Variants in PREX2 observed in about 807,000 individuals in gnomAD.
The protein encoded by PREX2 is phosphatidylinositol 3,4,5-trisphosphate-dependent Rac exchanger 2 protein.
Under a neutral mutation model 203.2 loss-of-function variants are expected in PREX2, and 107 were observed. That is an observed-to-expected ratio of 0.53 (90% CI 0.45 to 0.62). The LOEUF is 0.62. Among genes scored for constraint, PREX2 ranks in the 20% least tolerant of loss-of-function variants. The pLI is 0.00. For synonymous variants in PREX2, 672 were observed against 663.6 expected (o/e 1.01, Z -0.19); for missense variants, 1,777 against 1,955.9 (o/e 0.91, Z 1.72).
At chr8:68,198,044 A>G (rs1812433412) in intron 37 of PREX2, among the ~76,000 whole-genome samples, 1 of 152,058 alleles carries the variant, frequency 6.6e-6, no homozygotes, top group African/African-American at 2.4e-5. Flanking sequence ...GCTTAGATAA[A>G]ATCACTGTGT....
At chr8:68,164,583 T>C (rs553182562) in intron 35 of PREX2, among the ~76,000 whole-genome samples, 2 of 132,956 alleles carry the variant, frequency 1.5e-5, no homozygotes, top group South Asian at 2.7e-4. Context: ...TTTTTCTTTT[T>C]TCTTTTTTTT....
At chr8:68,182,060 G>C (rs1269619438) in intron 35 of PREX2, among the ~76,000 whole-genome samples, 2 of 152,050 alleles carry the variant, frequency 1.3e-5, no homozygotes. Flanking sequence ...GATGAGTCTG[G>C]AAGAATGAAT....
chr8:68,047,472 T>TATATATATATATATATATATATATACAC (rs1808388940), intron 8 of PREX2, among the ~76,000 whole-genome samples: 1 of 1,478 alleles, frequency 6.8e-4, no homozygotes, highest in African/African-American at 2.9e-3. Flanking sequence ...GATGAATTTA[T>TATATATATATATATATATATATATACAC]ATATATATAT....
intron 34 of PREX2, among the ~76,000 whole-genome samples, chr8:68,150,673 G>T (rs1811415600): frequency 6.6e-6 from 1 of 152,140 alleles, no homozygotes; most frequent in African/African-American, 2.4e-5. Flanking sequence ...GATCTTCTTG[G>T]CTGTGGGTGC....
chr8:68,097,695 T>C (rs1411930569), intron 22 of PREX2, among the ~76,000 whole-genome samples: 1 of 152,232 alleles, frequency 6.6e-6, no homozygotes, highest in Non-Finnish European at 1.5e-5. Flanking sequence ...TTATTGATCC[T>C]TTTGGAGCAC....
At chr8:67,995,653 G>A (rs987057756) in intron 1 of PREX2, among the ~76,000 whole-genome samples, 5 of 152,126 alleles carry the variant, frequency 3.3e-5, no homozygotes, top group African/African-American at 1.2e-4. Context: ...TTAATGGATG[G>A]TATTTATGGG....
intron 1 of PREX2, among the ~76,000 whole-genome samples, chr8:67,987,378 G>T (rs1806465328): frequency 1.3e-5 from 2 of 152,010 alleles, no homozygotes; most frequent in South Asian, 4.2e-4. Context: ...GTACTGTCTG[G>T]TCACCTTTAG....
chr8:68,071,616 G>A (rs557567225), intron 13 of PREX2, among the ~76,000 whole-genome samples: 2 of 152,228 alleles, frequency 1.3e-5, no homozygotes, highest in Admixed American at 1.3e-4. Context: ...ATTCAGTTCT[G>A]ATCATGAAAT....
At chr8:68,140,179 T>C (rs1811199283) in intron 33 of PREX2, among the ~76,000 whole-genome samples, 1 of 152,128 alleles carries the variant, frequency 6.6e-6, no homozygotes, top group Admixed American at 6.6e-5. Context: ...ACACTAAATA[T>C]AAAAAATAAT....
chr8:68,158,840 T>A (rs1811599231), intron 35 of PREX2, among the ~76,000 whole-genome samples: 1 of 152,142 alleles, frequency 6.6e-6, no homozygotes, highest in Admixed American at 6.6e-5. Flanking sequence ...GCATTGATGA[T>A]CAAAATTTGA....
chr8:68,108,569 T>C (rs1464053444), intron 24 of PREX2, among the ~76,000 whole-genome samples: 2 of 152,218 alleles, frequency 1.3e-5, no homozygotes, highest in Admixed American at 6.5e-5. Flanking sequence ...CTTGCTTTCC[T>C]TATGCATATG....
chr8:68,222,959 A>T (rs373954809), intron 38 of PREX2, among the ~76,000 whole-genome samples: 22 of 152,172 alleles, frequency 1.4e-4, no homozygotes, highest in African/African-American at 5.3e-4. Flanking sequence ...AATACTTATC[A>T]AGAGTGTTAA....
intron 17 of PREX2, 96 bp downstream of exon 17, chr8:68,080,934 C>T (rs1351489263): frequency 3.9e-6 from 3 of 761,608 alleles, no homozygotes; most frequent in Admixed American, 2.4e-5. Context: ...AGATAATCAG[C>T]CTTGAAATTA....
chr8:68,134,400 T>G, intron 32 of PREX2, 124 bp downstream of exon 32: 1 of 708,792 alleles, frequency 1.4e-6, no homozygotes, highest in East Asian at 2.6e-5. Context: ...TGCATTCAGC[T>G]ACTTTAAAAA....
intron 37 of PREX2, among the ~76,000 whole-genome samples, chr8:68,215,331 A>G (rs571616122): frequency 6.6e-6 from 1 of 152,332 alleles, no homozygotes; most frequent in East Asian, 1.9e-4. Flanking sequence ...TCAGTAAAGC[A>G]CAGACATATT....
intron 19 of PREX2, 65 bp downstream of exon 19, chr8:68,087,874 G>C: frequency 9.7e-7 from 1 of 1,036,060 alleles, no homozygotes; most frequent in South Asian, 1.3e-5. Flanking sequence ...GATGGAACAG[G>C]AATGTGTTTA....
chr8:68,130,120 A>AAAAG (rs1288115708), intron 31 of PREX2, among the ~76,000 whole-genome samples: 4 of 151,034 alleles, frequency 2.6e-5, no homozygotes, highest in African/African-American at 9.7e-5. Flanking sequence ...TCTGCAAAAA[A>AAAAG]AAAAAAAAAA....
chr8:67,962,558 G>A (rs989843412), intron 1 of PREX2, among the ~76,000 whole-genome samples: 2 of 150,406 alleles, frequency 1.3e-5, no homozygotes, highest in African/African-American at 4.9e-5. Context: ...TGTCAAATTT[G>A]GCTTTCTATA....
chr8:68,142,798 A>G (rs1222012475), intron 33 of PREX2, among the ~76,000 whole-genome samples: 1 of 152,220 alleles, frequency 6.6e-6, no homozygotes, highest in Non-Finnish European at 1.5e-5. Context: ...GGAAACTACA[A>G]GGTACTCCCA....
Sources: gnomAD v4.1 joint callset for allele counts (sites outside exome capture counted in the v4.1 genomes callset) on GRCh38, gnomAD v4.1.1 for gene constraint, MANE v1.5 for transcripts, NCBI Gene and HGNC (gene_info 2026-07-23, HGNC 2026-07-21) for gene names.